The following TNC variants were observed in gnomAD, a reference collection of about 807,000 sequenced individuals.
TNC encodes tenascin C.
TNC carries 109 observed loss-of-function variants against 202.4 expected under a neutral mutation model. The observed-to-expected ratio is 0.54, with a 90% CI of 0.46 to 0.63. The LOEUF is 0.63. TNC is among the 30% of genes least tolerant of loss of function. TNC has a pLI of 0.00. For synonymous variants in TNC, 1,007 were observed against 1,089.7 expected, an observed-to-expected ratio of 0.92 and a Z score of 1.50; for missense variants, 2,756 against 2,833.3, an observed-to-expected ratio of 0.97 and a Z score of 0.62.
rs199825765 is a variant in TNC, at chr9:115,023,962, G to C, written c.6495+11C>G. On this transcript the variant is annotated intron_variant, in intron 27 of 27. Transcript: ENST00000350763. ...AGCTTGGCCTGCTCTGGGCCCTCAC[G>C]GTCCACTCACCTGACTGTGGTTATT... The C allele has an allele frequency of 2.5e-5, 40 of 1,611,128 alleles. No homozygotes were observed. Among genetic ancestry groups the C allele is most frequent in the Middle Eastern group, 3.3e-4 (2 of 6,068 alleles).
intron 15 of TNC, among the ~76,000 whole-genome samples, chr9:115,052,410 TTAA>T: frequency 6.6e-6 from 1 of 151,798 alleles, no homozygotes; most frequent in Non-Finnish European, 1.5e-5. Context: ...CTGGCCATAG[TTAA>T]TAATAACATA....
At chr9:115,112,261 G>C (rs188839537) in intron 1 of TNC, among the ~76,000 whole-genome samples, 150 of 152,256 alleles carry the variant, frequency 9.9e-4, no homozygotes, top group African/African-American at 3.3e-3. Context: ...ATCTTAGAAA[G>C]ATCTTTCCCT....
chr9:115,078,152 G>T lies in TNC; in HGVS notation c.2465C>A (p.Thr822Asn), dbSNP rs761838187. Residue 822 changes from threonine to asparagine, a missense_variant, in exon 7 of 28, where the codon ACC becomes AAC. By Grantham distance (65) the Thr-to-Asn change is moderately conservative. This residue lies in a region of TNC where 2,559 missense variants were observed against 2,546.0 expected (regional missense o/e 1.01). Coordinates refer to ENST00000350763, the MANE Select transcript of TNC (RefSeq NM_002160.4). ...KDVTDTTALI[T>N]WFKPLAEIDG... ...GATCTCAGCCAGGGGCTTGAACCAG[G>T]TGATCAAGGCAGTGGTGTCTGTGAC... is the stretch of plus-strand genomic sequence containing the variant. 6.2e-7 allele frequency: 1 copy of T among 1,614,020 alleles called. No homozygotes were observed. Among genetic ancestry groups the T allele is most frequent in the Admixed American group, 1.7e-5 (1 of 60,016 alleles).
At chr9:115,103,669 G>A (rs1836404111) in intron 1 of TNC, among the ~76,000 whole-genome samples, 1 of 152,148 alleles carries the variant, frequency 6.6e-6, no homozygotes, top group South Asian at 2.1e-4. Context: ...GTGATCTGTG[G>A]TCCATTGCTA....
chr9:115,086,472 T>C lies in TNC; in HGVS notation c.1259A>G (p.Asn420Ser). The C allele has an allele frequency of 6.2e-7, 1 of 1,613,962 alleles. No homozygotes were observed. Among genetic ancestry groups the C allele is most frequent in the South Asian group, 1.1e-5 (1 of 91,090 alleles). ...GCCCTCATCACACACACACTGCCCA[T>C]TGACACAGCGGCCATGGCCACTGCA... ...NGCSGHGRCV[N>S]GQCVCDEGYT... The change falls in exon 3 of 28, where the codon AAT becomes AGT. Residue 420 changes from asparagine (N) to serine (S), a missense_variant. Physicochemically the swap from Asn to Ser is conservative, Grantham distance 46 (BLOSUM62 1). This residue lies in a region of TNC where 2,559 missense variants were observed against 2,546.0 expected (regional missense o/e 1.01). Coordinates refer to ENST00000350763, the MANE Select transcript of TNC (RefSeq NM_002160.4).
intron 1 of TNC, among the ~76,000 whole-genome samples, chr9:115,107,635 G>C (rs1836719139): frequency 6.6e-6 from 1 of 152,120 alleles, no homozygotes; most frequent in Non-Finnish European, 1.5e-5. Flanking sequence ...TCCATGACTG[G>C]CTTAAGAGGC....
rs199535241 is a variant in TNC, at chr9:115,030,405, A to G, written c.5921T>C (p.Ile1974Thr). 6.9e-5 allele frequency: 111 copies of G among 1,611,712 alleles called. 1 individual carries two copies. Among genetic ancestry groups the G allele is most frequent in the East Asian group, 8.9e-5 (4 of 44,810 alleles). ...SNMIQTIFTT[I>T]GLLYPFPKDC... ...CTTGGGGAAGGGGTACAGGAGTCCA[A>G]CTGTGGAATAAGGAGAAATGGTGAT... Residue 1974 changes from isoleucine to threonine, a missense_variant and splice_region_variant, in exon 24 of 28, where the codon ATT becomes ACT. Around this residue, in one of 2 missense-constraint regions of TNC, gnomAD observed 2,559 missense variants for 2,546.0 expected, o/e 1.01. Transcript: ENST00000350763.
chr9:115,041,232 C>T (rs566240163), intron 18 of TNC, 148 bp from the exon 19 acceptor site: 2 of 937,206 alleles, frequency 2.1e-6, no homozygotes, highest in Admixed American at 7.0e-5. Context: ...CTCCTACCCT[C>T]TGGCATAAGG....
At chr9:115,114,341 T>C (rs571566962) in intron 1 of TNC, among the ~76,000 whole-genome samples, 2 of 152,354 alleles carry the variant, frequency 1.3e-5, no homozygotes, top group East Asian at 3.9e-4. Context: ...TTCCAAGCTG[T>C]CCTGGGATTC....
chr9:115,064,576 C>G (rs577018715), intron 11 of TNC, 71 bp downstream of exon 11: 10 of 1,509,260 alleles, frequency 6.6e-6, no homozygotes, highest in Non-Finnish European at 8.9e-6. Flanking sequence ...CAAAGCTAGT[C>G]GTGTCTGATT....
intron 26 of TNC, among the ~76,000 whole-genome samples, chr9:115,024,400 C>T (rs971977416): frequency 6.6e-6 from 1 of 152,154 alleles, no homozygotes; most frequent in African/African-American, 2.4e-5. Flanking sequence ...CCCATCTTTT[C>T]ACTTTTTAGC....
intron 15 of TNC, among the ~76,000 whole-genome samples, chr9:115,049,603 G>C (rs1323092115): frequency 6.6e-6 from 1 of 151,970 alleles, no homozygotes; most frequent in African/African-American, 2.4e-5. Context: ...AGGATTAGTG[G>C]AGAAGGTTCA....
chr9:115,043,125 C>T (rs574647361), intron 17 of TNC, among the ~76,000 whole-genome samples: 25 of 152,214 alleles, frequency 1.6e-4, no homozygotes, highest in African/African-American at 5.3e-4. Flanking sequence ...TTTTTGGCTG[C>T]GATTTTTGCC....
intron 10 of TNC, among the ~76,000 whole-genome samples, chr9:115,068,686 C>T (rs1833131382): frequency 6.6e-6 from 1 of 152,254 alleles, no homozygotes; most frequent in Non-Finnish European, 1.5e-5. Context: ...TGTTTTCCCA[C>T]TCTATCATAT....
At chr9:115,049,348 A>G (rs1029771160) in intron 15 of TNC, among the ~76,000 whole-genome samples, 1 of 152,164 alleles carries the variant, frequency 6.6e-6, no homozygotes, top group African/African-American at 2.4e-5. Context: ...ATACTTGCCA[A>G]CTGACAAGGC....
In TNC at chr9:115,086,838, T is replaced by A. The variant is rs1362700046; in HGVS notation, c.893A>T (p.Glu298Val). 1 of 1,614,028 alleles carries A rather than the reference T, an allele frequency of 6.2e-7. No individual in the cohort carries two copies. The highest frequency in any genetic ancestry group is 1.3e-5 in the African/African-American group (1 of 74,918). ...CYNRGRCVENECVCDEGFTGE... is the reference protein window; with the variant it reads ...CYNRGRCVENVCVCDEGFTGE... ...CGTGAAACCCTCATCACACACGCAC[T>A]CATTCTCCACGCATCGTCCACGGTT... The change falls in exon 3 of 28, where the codon GAG (glutamate) becomes GTG (valine). Residue 298 changes from glutamate to valine, a missense_variant. Transcript: ENST00000350763.
In TNC at chr9:115,059,923, G is replaced by A. The variant is rs1564452882; in HGVS notation, c.4113C>T (p.Asp1371=). ...GAATGACAAAGTGCTCATAGGCATTGTCAGCTGCGGTCCAGTTGAGTCTGA... is the reference window on the plus strand; with the variant it reads ...GAATGACAAAGTGCTCATAGGCATTATCAGCTGCGGTCCAGTTGAGTCTGA... ...DGLRLNWTAA[D]NAYEHFVIQV... The change falls in exon 14 of 28, where the codon GAC becomes GAT. Residue 1371 remains aspartate (D), a synonymous_variant. Coordinates refer to ENST00000350763, the MANE Select transcript of TNC (RefSeq NM_002160.4). The A allele has an allele frequency of 6.2e-7, 1 of 1,614,004 alleles. No individual in the cohort carries two copies. The highest frequency in any genetic ancestry group is 1.3e-5 in the African/African-American group (1 of 74,910).
intron 6 of TNC, among the ~76,000 whole-genome samples, chr9:115,079,191 C>CAGTGAATCTTTG (rs1382179878): frequency 1.3e-5 from 2 of 150,880 alleles, no homozygotes; most frequent in African/African-American, 4.9e-5. Flanking sequence ...TCTGGGTATT[C>CAGTGAATCTTTG]AGTGAATCTT....
At chr9:115,061,110 T>C (rs1026547864) in intron 13 of TNC, among the ~76,000 whole-genome samples, 1 of 152,176 alleles carries the variant, frequency 6.6e-6, no homozygotes, top group Non-Finnish European at 1.5e-5. Context: ...TTTTGAAGGC[T>C]GAAGTGGCCA....
Sources: allele counts gnomAD v4.1 joint callset (sites outside exome capture counted in the v4.1 genomes callset), GRCh38; gene constraint gnomAD v4.1.1; regional missense constraint gnomAD v4.1.1; transcripts MANE v1.5; gene names NCBI Gene and HGNC (gene_info 2026-07-23, HGNC 2026-07-21).